EXOC6B: variants seen among roughly 807,000 people sequenced by gnomAD.
EXOC6B encodes exocyst complex component 6B.
A neutral mutation model predicts 113.5 loss-of-function variants in EXOC6B; 54 were observed. That is an observed-to-expected ratio of 0.48 (90% CI 0.38 to 0.60). The LOEUF is 0.60. Among genes scored for constraint, EXOC6B ranks in the 20% least tolerant of loss-of-function variants. The pLI is 0.00. For missense variants in EXOC6B, 797 were observed against 977.5 expected, an observed-to-expected ratio of 0.82 and a Z score of 2.46; for synonymous variants, 357 against 339.0, an observed-to-expected ratio of 1.05 and a Z score of -0.58.
rs1385333801 is a variant in EXOC6B, at chr2:72,179,182, G to C, written c.*153C>G. The C allele has an allele frequency of 1.2e-6, 1 of 853,812 alleles. No individual in the cohort carries two copies. Among genetic ancestry groups the C allele is most frequent in the Non-Finnish European group, 1.7e-6 (1 of 582,254 alleles). 52.9% of individuals were successfully genotyped at this position (853,812 alleles called of 1,614,324 possible). A position where few individuals can be genotyped will look rare whatever the true frequency, so the allele number is the denominator to read the frequency against. Reference sequence around the variant, plus strand: ...TTATTCTTGTGCCTCTTTTACTATAGGGAAATGTTATGTGAATACTGCACA... The same window carrying C: ...TTATTCTTGTGCCTCTTTTACTATACGGAAATGTTATGTGAATACTGCACA... On this transcript the variant is annotated 3_prime_UTR_variant, in exon 22 of 22. Coordinates refer to ENST00000272427, the MANE Select transcript of EXOC6B (RefSeq NM_015189.3).
chr2:72,504,007 A>C (rs1700472395), intron 11 of EXOC6B, among the ~76,000 whole-genome samples: 1 of 152,086 alleles, frequency 6.6e-6, no homozygotes, highest in Non-Finnish European at 1.5e-5. Flanking sequence ...TCCCGGGATC[A>C]AGAGATCCTC....
chr2:72,218,866 T>C (rs1054342380), intron 20 of EXOC6B, among the ~76,000 whole-genome samples: 3 of 151,794 alleles, frequency 2.0e-5, no homozygotes, highest in African/African-American at 7.3e-5. Context: ...TTTCATCACA[T>C]TGGCCATGAT....
intron 11 of EXOC6B, among the ~76,000 whole-genome samples, chr2:72,508,163 C>CAAAAAAAAAAAAAA (rs67586747): frequency 3.5e-5 from 2 of 57,526 alleles, no homozygotes; most frequent in African/African-American, 2.6e-4. Flanking sequence ...ATATTACCCG[C>CAAAAAAAAAAAAAA]AAAAAAAAAA....
At chr2:72,433,800 T>G (rs960979766) in intron 18 of EXOC6B, among the ~76,000 whole-genome samples, 10 of 152,218 alleles carry the variant, frequency 6.6e-5, no homozygotes, top group African/African-American at 2.2e-4. Context: ...CTTGAGTTTT[T>G]GGGCTGAGAC....
chr2:72,676,672 A>T (rs1016834335), intron 6 of EXOC6B, among the ~76,000 whole-genome samples: 4 of 152,214 alleles, frequency 2.6e-5, no homozygotes, highest in African/African-American at 9.6e-5. Flanking sequence ...CACAGACTAC[A>T]TATAAAATTT....
chr2:72,758,564 G>GT (rs1682577664), intron 1 of EXOC6B, among the ~76,000 whole-genome samples: 1 of 152,120 alleles, frequency 6.6e-6, no homozygotes, highest in Non-Finnish European at 1.5e-5. Context: ...AATTTTGTGT[G>GT]TTTTTTCTAG....
rs549574639 is a variant in EXOC6B at position 72,584,651 on chromosome 2, A to G, written c.670-8983T>C. On this transcript the variant is annotated intron_variant, in intron 6 of 21. Coordinates refer to ENST00000272427, the MANE Select transcript of EXOC6B (RefSeq NM_015189.3). ...CTGGACCTAAATTCAACAGTGGACC[A>G]ATTGGACCTAACAGACATCTACAGA... 4.2e-4 allele frequency among the ~76,000 whole-genome samples: 64 copies of G among 152,344 alleles called. 1 individual carries two copies. In the South Asian group the frequency reaches 6.9e-3, roughly 16 times the overall value.
chr2:72,275,844 C>T (rs1684778257), intron 20 of EXOC6B, among the ~76,000 whole-genome samples: 1 of 152,256 alleles, frequency 6.6e-6, no homozygotes, highest in African/African-American at 2.4e-5. Context: ...TCCAAATGAC[C>T]TTACCTGCTT....
intron 6 of EXOC6B, among the ~76,000 whole-genome samples, chr2:72,631,062 T>C (rs1216337635): frequency 6.6e-6 from 1 of 152,038 alleles, no homozygotes. Flanking sequence ...CAGAACATCC[T>C]ACAAAAAACA....
intron 20 of EXOC6B, among the ~76,000 whole-genome samples, chr2:72,265,294 G>A (rs1051957198): frequency 6.7e-6 from 1 of 149,844 alleles, no homozygotes; most frequent in Non-Finnish European, 1.5e-5. Context: ...GGGTACATGT[G>A]CACAATGTGC....
At chr2:72,227,544 A>G (rs1681322066) in intron 20 of EXOC6B, among the ~76,000 whole-genome samples, 1 of 152,340 alleles carries the variant, frequency 6.6e-6, no homozygotes, top group South Asian at 2.1e-4. Flanking sequence ...AGTAACGGAT[A>G]AAAGAAGATT....
At chr2:72,570,562 G>A (rs1482496870) in intron 7 of EXOC6B, among the ~76,000 whole-genome samples, 1 of 152,098 alleles carries the variant, frequency 6.6e-6, no homozygotes, top group Non-Finnish European at 1.5e-5. Flanking sequence ...AAATATTTAT[G>A]TGACCCATAC....
chr2:72,598,046 G>A (rs1251373041), intron 6 of EXOC6B, among the ~76,000 whole-genome samples: 1 of 151,900 alleles, frequency 6.6e-6, no homozygotes, highest in African/African-American at 2.4e-5. Flanking sequence ...CCAGCAGGCA[G>A]AAAAGCAGTA....
At chr2:72,216,691 T>C (rs1573015496) in intron 20 of EXOC6B, among the ~76,000 whole-genome samples, 1 of 152,052 alleles carries the variant, frequency 6.6e-6, no homozygotes, top group South Asian at 2.1e-4. Flanking sequence ...GAAAATGTGG[T>C]ACATATACAC....
intron 20 of EXOC6B, among the ~76,000 whole-genome samples, chr2:72,302,125 A>T (rs1019544568): frequency 5.9e-5 from 9 of 152,102 alleles, no homozygotes; most frequent in African/African-American, 2.2e-4. Flanking sequence ...CAGGTTGTTT[A>T]ATTTCCATGT....
intron 16 of EXOC6B, among the ~76,000 whole-genome samples, chr2:72,486,715 A>G (rs1338519197): frequency 1.3e-5 from 2 of 152,116 alleles, no homozygotes; most frequent in African/African-American, 4.8e-5. Flanking sequence ...TCTAATGCCA[A>G]TCCCTTTAAC....
intron 20 of EXOC6B, among the ~76,000 whole-genome samples, chr2:72,257,899 T>A (rs1278272767): frequency 6.6e-6 from 1 of 151,968 alleles, no homozygotes; most frequent in Non-Finnish European, 1.5e-5. Context: ...AGAGTTGGAG[T>A]TAAATGGGCA....
chr2:72,632,865 A>G (rs1672569269), intron 6 of EXOC6B, among the ~76,000 whole-genome samples: 1 of 151,984 alleles, frequency 6.6e-6, no homozygotes, highest in Admixed American at 6.6e-5. Flanking sequence ...AATATTTGAT[A>G]GAGTTTGAGT....
At chr2:72,710,427 A>G (rs1679197935) in intron 6 of EXOC6B, among the ~76,000 whole-genome samples, 1 of 152,136 alleles carries the variant, frequency 6.6e-6, no homozygotes, top group Non-Finnish European at 1.5e-5. Flanking sequence ...CAGAAAAAAA[A>G]AATGTTTAAA....
Sources: allele counts gnomAD v4.1 joint callset (sites outside exome capture counted in the v4.1 genomes callset), GRCh38; gene constraint gnomAD v4.1.1; transcripts MANE v1.5; gene names NCBI Gene and HGNC (gene_info 2026-07-23, HGNC 2026-07-21).